Variants in PDS5A observed in about 807,000 individuals in gnomAD.
PDS5A encodes the protein sister chromatid cohesion protein PDS5 homolog A.
PDS5A carries 42 observed loss-of-function variants against 167.1 expected under a neutral mutation model. The ratio of observed to expected loss-of-function variants is 0.25; its 90% CI spans 0.20 to 0.33. The LOEUF (loss-of-function observed/expected upper bound fraction) is 0.33. Ranked by LOEUF, PDS5A falls within the 10% of genes least tolerant of loss-of-function variation. The pLI is 1.00. For synonymous variants in PDS5A, 553 were observed against 554.6 expected, an observed-to-expected ratio of 1.00 and a Z score of 0.04; for missense variants, 1,033 against 1,605.9, an observed-to-expected ratio of 0.64 and a Z score of 6.10.
chr4:39,856,447 T>A (rs562767153), intron 26 of PDS5A, among the ~76,000 whole-genome samples: 1 of 152,336 alleles, frequency 6.6e-6, no homozygotes, highest in South Asian at 2.1e-4. Flanking sequence ...CTGGTGAAAG[T>A]AACCATACAG....
chr4:39,973,898 G>C lies in PDS5A; in HGVS notation c.138+2542C>G, dbSNP rs188321015. On this transcript the variant is annotated intron_variant, in intron 2 of 32. Coordinates refer to ENST00000303538, the MANE Select transcript of PDS5A (RefSeq NM_001100399.2). ...CCCAGCACTTTGGGAGGCCAAGAGG[G>C]GCAGATCACGAGGTCAGGAGATCGA... 168 of 670,532 alleles carry C rather than the reference G, an allele frequency of 2.5e-4. 1 individual carries two copies. The African/African-American group carries it at 2.9e-3, about 11-fold the overall frequency. The allele number at this position is 670,532 out of a possible 1,614,324, so 41.5% of individuals were successfully genotyped here. A position where few individuals can be genotyped will look rare whatever the true frequency, so the allele number is the denominator to read the frequency against.
At chr4:39,971,096 CGAGAACAGGA>C (rs1730491196) in intron 2 of PDS5A, among the ~76,000 whole-genome samples, 2 of 151,250 alleles carry the variant, frequency 1.3e-5, no homozygotes, top group Non-Finnish European at 2.9e-5. Flanking sequence ...TGAAAACTGA[CGAGAACAGGA>C]CCAAACACCG....
intron 26 of PDS5A, among the ~76,000 whole-genome samples, chr4:39,855,155 G>A (rs927273565): frequency 2.0e-5 from 3 of 152,180 alleles, no homozygotes; most frequent in Non-Finnish European, 4.4e-5. Flanking sequence ...ATGGGACCCA[G>A]CAACCAGGGG....
In PDS5A at chr4:39,900,478, T is replaced by C; in HGVS notation, c.1529A>G (p.Asn510Ser). Residue 510 changes from asparagine to serine, a missense_variant, in exon 14 of 33, where the codon AAC becomes AGC. This residue lies in a region of PDS5A where 388 missense variants were observed against 615.1 expected (regional missense o/e 0.63). Transcript: ENST00000303538. ...TTCGCGTACATGGCTCCGAAGCATG[T>C]TCTGACACTTCCACATTTCGTTGAG... ...KALNEMWKCQ[N>S]MLRSHVRELL... is the part of the protein sequence containing the mutation. 1 of 1,582,734 alleles carries C rather than the reference T, an allele frequency of 6.3e-7. No homozygotes were observed. Among genetic ancestry groups the C allele is most frequent in the Non-Finnish European group, 8.6e-7 (1 of 1,162,302 alleles).
chr4:39,890,288 T>C lies in PDS5A; in HGVS notation c.1847A>G (p.Glu616Gly), dbSNP rs755741497. Residue 616 changes from glutamate to glycine, a missense_variant, in exon 17 of 33, where the codon GAA becomes GGA. Glu to Gly is a moderately conservative substitution (Grantham distance 98). Transcript: ENST00000303538. Reference sequence around the variant, plus strand: ...ATCAATGTGCACAGGTGCGATTCTTTCCAACAGAAATTTGACCATCTCTAG... The same window carrying C: ...ATCAATGTGCACAGGTGCGATTCTTCCCAACAGAAATTTGACCATCTCTAG... ...PFLEMVKFLL[E>G]RIAPVHIDSE... 6.3e-7 allele frequency: 1 copy of C among 1,581,110 alleles called. No homozygotes were observed. Among genetic ancestry groups the C allele is most frequent in the East Asian group, 2.3e-5 (1 of 44,160 alleles).
rs1439248048 is a variant in PDS5A at position 39,837,991 on chromosome 4, A to C, written c.3875T>G (p.Ile1292Ser). The change falls in exon 32 of 33, where the codon ATT becomes AGT. Residue 1292 changes from isoleucine to serine, a missense_variant. Transcript: ENST00000303538. ...ATKNDDLNKP[I>S]NKGRKRAAVG... is the part of the protein sequence containing the mutation. Reference sequence around the variant, plus strand: ...TGCAGCTCTCTTCCTTCCCTTGTTAATAGGTTTATTTAGATCATCATTTTT... The same window carrying C: ...TGCAGCTCTCTTCCTTCCCTTGTTACTAGGTTTATTTAGATCATCATTTTT... 1 of 1,613,908 alleles carries C rather than the reference A, an allele frequency of 6.2e-7. No individual in the cohort carries two copies. The highest frequency in any genetic ancestry group is 1.7e-5 in the Admixed American group (1 of 60,000).
chr4:39,872,423 G>A (rs1560443765), intron 21 of PDS5A, among the ~76,000 whole-genome samples: 1 of 152,098 alleles, frequency 6.6e-6, no homozygotes, highest in Non-Finnish European at 1.5e-5. Flanking sequence ...CCAGCACTTG[G>A]AGAGGCCAAG....
At chr4:39,919,362 A>G (rs888976172) in intron 7 of PDS5A, among the ~76,000 whole-genome samples, 3 of 152,204 alleles carry the variant, frequency 2.0e-5, no homozygotes, top group African/African-American at 7.2e-5. Flanking sequence ...TTTACATAAA[A>G]TAGCCGGGTG....
At chr4:39,964,665 A>T (rs1729806821) in intron 2 of PDS5A, among the ~76,000 whole-genome samples, 2 of 152,258 alleles carry the variant, frequency 1.3e-5, no homozygotes, top group Admixed American at 6.5e-5. Flanking sequence ...AGTGCACTCC[A>T]GCCTGGGCTA....
intron 26 of PDS5A, among the ~76,000 whole-genome samples, chr4:39,856,246 C>T (rs975583424): frequency 6.6e-6 from 1 of 152,090 alleles, no homozygotes; most frequent in African/African-American, 2.4e-5. Flanking sequence ...AACCAAGAAT[C>T]TTATATCCTA....
chr4:39,976,055 T>A lies in PDS5A; in HGVS notation c.138+385A>T, dbSNP rs569115845. The A allele has an allele frequency of 1.7e-4, 27 of 155,274 alleles. No individual in the cohort carries two copies. In the South Asian group the frequency reaches 3.2e-3, roughly 19 times the overall value. 9.6% of individuals were successfully genotyped at this position (155,274 alleles called of 1,614,324 possible). On this transcript the variant is annotated intron_variant, in intron 2 of 32. Transcript: ENST00000303538. ...GGATATAGAAAATTATGCAAATTTT[T>A]AAAAAGGACTTTGCGCTTTAATCAA...
chr4:39,822,896 T>C lies in PDS5A; in HGVS notation c.*2589A>G, dbSNP rs1404488518. 1 of 152,648 alleles carries C rather than the reference T, an allele frequency of 6.6e-6. No homozygotes were observed. Among genetic ancestry groups the C allele is most frequent in the Non-Finnish European group, 1.5e-5 (1 of 68,032 alleles). The allele number at this position is 152,648 out of a possible 1,614,324, so 9.5% of individuals were successfully genotyped here. A position where few individuals can be genotyped will look rare whatever the true frequency, so the allele number is the denominator to read the frequency against. On this transcript the variant is annotated 3_prime_UTR_variant, in exon 33 of 33. Coordinates refer to ENST00000303538, the MANE Select transcript of PDS5A (RefSeq NM_001100399.2). ...CATTTCTTGGTTTTATTTGAAACAG[T>C]GCATATTTTTAGCATTTTATGGTAG...
intron 30 of PDS5A, 75 bp downstream of exon 30, chr4:39,844,581 G>T: frequency 9.0e-7 from 1 of 1,107,110 alleles, no homozygotes; most frequent in Non-Finnish European, 1.3e-6. Context: ...ACCATTTTAT[G>T]AGACAGCACT....
At chr4:39,889,499 C>A (rs1322089662) in intron 17 of PDS5A, among the ~76,000 whole-genome samples, 2 of 152,146 alleles carry the variant, frequency 1.3e-5, no homozygotes, top group East Asian at 3.9e-4. Flanking sequence ...GAATTCTAGG[C>A]TGTTTGGAAA....
intron 11 of PDS5A, 84 bp from the exon 12 acceptor site, chr4:39,904,275 G>T: frequency 1.1e-6 from 1 of 878,534 alleles, no homozygotes; most frequent in South Asian, 1.9e-5. Context: ...TCATTAGGTT[G>T]TACAGTCTTA....
intron 31 of PDS5A, 127 bp from the exon 32 acceptor site, chr4:39,838,335 A>G (rs1716624985): frequency 1.5e-6 from 1 of 676,904 alleles, no homozygotes; most frequent in Non-Finnish European, 2.4e-6. Flanking sequence ...AACTGCTTAC[A>G]TCACATTAGG....
At chr4:39,919,732 G>A (rs541996754) in intron 7 of PDS5A, among the ~76,000 whole-genome samples, 2 of 152,230 alleles carry the variant, frequency 1.3e-5, no homozygotes, top group Non-Finnish European at 2.9e-5. Flanking sequence ...ATAAGGTAGT[G>A]AGATTGCAAA....
chr4:39,962,696 T>C (rs1299863521), intron 2 of PDS5A, among the ~76,000 whole-genome samples: 3 of 151,828 alleles, frequency 2.0e-5, no homozygotes, highest in Non-Finnish European at 4.4e-5. Flanking sequence ...CCCATCTAGT[T>C]GGGAGGCTGA....
At chr4:39,904,019 C>G in intron 12 of PDS5A, 21 bp downstream of exon 12, 2 of 1,516,270 alleles carry the variant, frequency 1.3e-6, no homozygotes, top group Non-Finnish European at 8.9e-7. Flanking sequence ...CTCAACCATT[C>G]TACCAACATA....
Sources: gnomAD v4.1 joint callset for allele counts (sites outside exome capture counted in the v4.1 genomes callset) on GRCh38, gnomAD v4.1.1 for gene constraint, gnomAD v4.1.1 regional missense constraint, MANE v1.5 for transcripts, NCBI Gene and HGNC (gene_info 2026-07-23, HGNC 2026-07-21) for gene names.